FSTL5: variants seen among roughly 807,000 people sequenced by gnomAD.
FSTL5 encodes follistatin like 5.
Under a neutral mutation model 89.1 loss-of-function variants are expected in FSTL5, and 62 were observed. The ratio of observed to expected loss-of-function variants is 0.70; its 90% CI spans 0.57 to 0.86. The LOEUF (loss-of-function observed/expected upper bound fraction) is 0.86, where lower values mean the gene tolerates loss of function less well. Ranked by LOEUF, FSTL5 falls within the 40% of genes least tolerant of loss-of-function variation. The pLI, the probability that FSTL5 is intolerant of heterozygous loss-of-function variation, is 0.00. For synonymous variants in FSTL5, 383 were observed against 346.2 expected, an observed-to-expected ratio of 1.11 and a Z score of -1.18; for missense variants, 1,057 against 1,001.6, an observed-to-expected ratio of 1.06 and a Z score of -0.75.
At position 161,775,964 on chromosome 4, in the gene FSTL5, A is replaced by C; in HGVS notation, c.520T>G (p.Ser174Ala). 1 of 1,607,842 alleles carries C rather than the reference A, an allele frequency of 6.2e-7. No individual in the cohort carries two copies. The highest frequency in any genetic ancestry group is 8.5e-7 in the Non-Finnish European group (1 of 1,176,286). The change falls in exon 5 of 16, where the codon TCT (serine) becomes GCT (alanine). Residue 174 changes from serine (S) to alanine (A), a missense_variant. Around this residue, in one of 3 missense-constraint regions of FSTL5, gnomAD observed 980 missense variants for 903.2 expected, o/e 1.08. Transcript: ENST00000306100. ...ENENPNGDDI[S>A]RKKLLVDQMF... The stretch of plus-strand genomic sequence containing the variant: ...TGATCCACCAATAGCTTCTTCCGAG[A>C]TATGTCGTCGCCATTAGGATTTTCA...
intron 3 of FSTL5, among the ~76,000 whole-genome samples, chr4:162,015,658 T>TA (rs1389700530): frequency 6.6e-6 from 1 of 152,152 alleles, no homozygotes; most frequent in Non-Finnish European, 1.5e-5. Flanking sequence ...ACAGTTTTGT[T>TA]AAAAATGTCC....
intron 4 of FSTL5, among the ~76,000 whole-genome samples, chr4:161,784,005 G>A (rs1741791564): frequency 6.6e-6 from 1 of 150,710 alleles, no homozygotes; most frequent in Non-Finnish European, 1.5e-5. Context: ...GCGTGATCTC[G>A]GCTCACTGCA....
rs768119828 is a variant in FSTL5, at chr4:161,794,824, AATTAAAT to A, written c.410-18757_410-18751del. ...AATTAAGTTTTAAGACATAGTCACA[AATTAAAT>A]ACCAAGATAAAAAACCATTACACCT... On this transcript the variant is annotated intron_variant, in intron 4 of 15. Transcript: ENST00000306100. 1.9e-3 allele frequency among the ~76,000 whole-genome samples: 282 copies of A among 152,230 alleles called. 2 individuals are homozygous for A. Among genetic ancestry groups the A allele is most frequent in the Admixed American group, 4.1e-3 (63 of 15,284 alleles).
intron 9 of FSTL5, among the ~76,000 whole-genome samples, chr4:161,542,155 T>C (rs767890098): frequency 4.6e-5 from 7 of 152,024 alleles, no homozygotes; most frequent in Non-Finnish European, 1.0e-4. Context: ...TCTTCTATAA[T>C]ATATATTCAA....
chr4:162,110,735 T>G (rs1731403354), intron 2 of FSTL5, among the ~76,000 whole-genome samples: 1 of 151,628 alleles, frequency 6.6e-6, no homozygotes, highest in African/African-American at 2.4e-5. Context: ...CAGTTTATTT[T>G]ATACTTCAAA....
intron 3 of FSTL5, among the ~76,000 whole-genome samples, chr4:161,995,752 A>T (rs937651581): frequency 6.6e-6 from 1 of 151,450 alleles, no homozygotes; most frequent in Non-Finnish European, 1.5e-5. Flanking sequence ...TAAAGTGTCT[A>T]TTAACATGTA....
chr4:161,520,775 A>T (rs1203015992), intron 10 of FSTL5, among the ~76,000 whole-genome samples: 2 of 152,182 alleles, frequency 1.3e-5, no homozygotes, highest in Non-Finnish European at 1.5e-5. Flanking sequence ...AGAATTACAA[A>T]ACAATAATTT....
intron 4 of FSTL5, among the ~76,000 whole-genome samples, chr4:161,816,063 G>T (rs1197825387): frequency 6.6e-6 from 1 of 152,180 alleles, no homozygotes; most frequent in South Asian, 2.1e-4. Context: ...GTGGGCTAGA[G>T]TAATGTGAAT....
chr4:161,404,446 G>A (rs1245022640), intron 15 of FSTL5, among the ~76,000 whole-genome samples: 2 of 152,130 alleles, frequency 1.3e-5, no homozygotes. Flanking sequence ...ATATCCTGTA[G>A]ACTCATGTAA....
intron 5 of FSTL5, among the ~76,000 whole-genome samples, chr4:161,773,508 A>G (rs927919109): frequency 1.4e-4 from 22 of 152,274 alleles, no homozygotes; most frequent in Admixed American, 4.6e-4. Context: ...GAAAAAAACA[A>G]AAAATTTTAT....
chr4:161,458,943 T>C lies in FSTL5; in HGVS notation c.1716+269A>G, dbSNP rs77635641. On this transcript the variant is annotated intron_variant, in intron 14 of 15. Transcript: ENST00000306100. ...ATTGTTAAAAAGTAAATTATGACTT[T>C]CTTTTCCTCCTAATGGCATCAGCTT... Among the ~76,000 whole-genome samples the C allele has an allele frequency of 3.4e-3, 515 of 152,352 alleles. 1 individual carries two copies. Among genetic ancestry groups the C allele is most frequent in the African/African-American group, 9.4e-3 (390 of 41,592 alleles).
At chr4:162,029,146 G>GGAGAGA (rs5863512) in intron 3 of FSTL5, among the ~76,000 whole-genome samples, 12,266 of 138,992 alleles carry the variant, frequency 0.088, 583 homozygotes, top group East Asian at 0.15. Flanking sequence ...TGTACATGAG[G>GGAGAGA]GAGAGAGAGA....
intron 4 of FSTL5, among the ~76,000 whole-genome samples, chr4:161,891,414 A>T (rs1162991161): frequency 6.6e-6 from 1 of 152,124 alleles, no homozygotes; most frequent in Non-Finnish European, 1.5e-5. Context: ...AAGACAACTT[A>T]GTTGGTAAAA....
chr4:161,679,703 AT>A (rs1737451432), intron 6 of FSTL5, among the ~76,000 whole-genome samples: 1 of 151,868 alleles, frequency 6.6e-6, no homozygotes, highest in African/African-American at 2.4e-5. Context: ...AAAATTTGAG[AT>A]AAACATCTCA....
At chr4:161,585,650 A>C (rs562337322) in intron 8 of FSTL5, among the ~76,000 whole-genome samples, 1 of 151,810 alleles carries the variant, frequency 6.6e-6, no homozygotes, top group African/African-American at 2.4e-5. Flanking sequence ...GTCAGTAAGC[A>C]TTTACCACAA....
At chr4:161,747,355 C>G (rs569729432) in intron 6 of FSTL5, among the ~76,000 whole-genome samples, 2 of 151,790 alleles carry the variant, frequency 1.3e-5, no homozygotes, top group African/African-American at 4.8e-5. Flanking sequence ...TTCCAACATA[C>G]TTTGTGTATT....
chr4:161,862,355 C>T (rs1579150397), intron 4 of FSTL5, among the ~76,000 whole-genome samples: 4 of 152,282 alleles, frequency 2.6e-5, no homozygotes, highest in Non-Finnish European at 5.9e-5. Context: ...AATAACATCA[C>T]TACCAAAATT....
At chr4:162,122,401 C>T (rs913543599) in intron 1 of FSTL5, among the ~76,000 whole-genome samples, 2 of 152,158 alleles carry the variant, frequency 1.3e-5, no homozygotes, top group South Asian at 4.1e-4. Context: ...CTTGATCTTT[C>T]CTCCCTTTAG....
chr4:162,111,971 G>T (rs1731461838), intron 1 of FSTL5, among the ~76,000 whole-genome samples: 1 of 152,066 alleles, frequency 6.6e-6, no homozygotes, highest in Non-Finnish European at 1.5e-5. Flanking sequence ...ATTTAAAAAG[G>T]CATTTCCTAG....
Sources: allele counts gnomAD v4.1 joint callset (sites outside exome capture counted in the v4.1 genomes callset), GRCh38; gene constraint gnomAD v4.1.1; regional missense constraint gnomAD v4.1.1; transcripts MANE v1.5; gene names NCBI Gene and HGNC (gene_info 2026-07-23, HGNC 2026-07-21).